Variants in ASCC1 observed in about 807,000 individuals in gnomAD.
The protein encoded by ASCC1 is activating signal cointegrator 1 complex subunit 1, also known as ASC-1 complex subunit P50.
ASCC1 carries 35 observed loss-of-function variants against 46.6 expected under a neutral mutation model. The ratio of observed to expected loss-of-function variants is 0.75; its 90% CI spans 0.57 to 0.99. ASCC1 has a LOEUF of 0.99. Among genes scored for constraint, ASCC1 ranks in the 50% least tolerant of loss-of-function variants. The pLI, the probability that ASCC1 is intolerant of heterozygous loss-of-function variation, is 0.00. For missense variants in ASCC1, 376 were observed against 428.7 expected, an observed-to-expected ratio of 0.88 and a Z score of 1.09; for synonymous variants, 143 against 146.6, an observed-to-expected ratio of 0.98 and a Z score of 0.18.
chr10:72,193,402 T>C (rs1347560061), intron 5 of ASCC1, among the ~76,000 whole-genome samples: 1 of 151,982 alleles, frequency 6.6e-6, no homozygotes. Context: ...TGATTCCATC[T>C]ATATGACATT....
In ASCC1 at chr10:72,211,253, GT is replaced by G. The variant is rs1343151200; in HGVS notation, c.113-423del. On this transcript the variant is annotated intron_variant, in intron 2 of 9. Transcript: ENST00000672957. ...TTGTTATAATTGTTCTATTTTGTTA[GT>G]TATTGTTATTAATCTCTTACTGTGC... 2.0e-5 allele frequency among the ~76,000 whole-genome samples: 3 copies of G among 152,220 alleles called. No homozygotes were observed. The East Asian group carries it at 5.8e-4, about 29-fold the overall frequency.
At chr10:72,152,173 T>G (rs1377227931) in intron 7 of ASCC1, among the ~76,000 whole-genome samples, 12 of 108,360 alleles carry the variant, frequency 1.1e-4, no homozygotes, top group African/African-American at 4.9e-4. Context: ...TGTTTTTGGG[T>G]TTTTTTTTTT....
At chr10:72,214,536 C>T (rs1425838745) in intron 1 of ASCC1, among the ~76,000 whole-genome samples, 1 of 151,824 alleles carries the variant, frequency 6.6e-6, no homozygotes. Flanking sequence ...CCACCACCCC[C>T]GGCTAATTTT....
intron 5 of ASCC1, among the ~76,000 whole-genome samples, chr10:72,174,499 C>A (rs554404443): frequency 7.2e-5 from 11 of 152,080 alleles, no homozygotes; most frequent in Non-Finnish European, 1.2e-4. Flanking sequence ...GAGCTGTCAG[C>A]AAGTAGAAGG....
chr10:72,210,656 G>A, intron 3 of ASCC1, 76 bp downstream of exon 3: 1 of 1,169,622 alleles, frequency 8.5e-7, no homozygotes. Context: ...CAATAAGTAT[G>A]GAAGACCAAA....
chr10:72,184,732 T>A (rs1020289072), intron 5 of ASCC1, among the ~76,000 whole-genome samples: 1 of 151,338 alleles, frequency 6.6e-6, no homozygotes, highest in Non-Finnish European at 1.5e-5. Flanking sequence ...GATACAGAGG[T>A]TGCAGTGAGC....
chr10:72,149,230 A>C (rs1416424678), intron 7 of ASCC1, among the ~76,000 whole-genome samples: 1 of 151,924 alleles, frequency 6.6e-6, no homozygotes, highest in Non-Finnish European at 1.5e-5. Context: ...CAAGGTCAGG[A>C]GATCAAGACC....
At position 72,117,639 on chromosome 10, in the gene ASCC1, A is replaced by T. The variant is rs560877356; in HGVS notation, c.957+10443T>A. Among the ~76,000 whole-genome samples the T allele has an allele frequency of 6.6e-5, 10 of 152,320 alleles. No individual in the cohort carries two copies. In the South Asian group the frequency reaches 1.9e-3, roughly 28 times the overall value. On this transcript the variant is annotated intron_variant, in intron 9 of 9. Coordinates refer to ENST00000672957, the MANE Select transcript of ASCC1 (RefSeq NM_001198800.3). ...CATTCTCTAATTGATCCTTTTAAAT[A>T]ACATTTTTACTTTCCAAATGATTCT...
rs1364192818 is a variant in ASCC1 at position 72,097,118 on chromosome 10, A to G, written c.*216T>C. 6.4e-6 allele frequency: 4 copies of G among 625,860 alleles called. No homozygotes were observed. The highest frequency in any genetic ancestry group is 9.0e-6 in the Non-Finnish European group (3 of 334,366). 38.8% of individuals were successfully genotyped at this position (625,860 alleles called of 1,614,324 possible). A position where few individuals can be genotyped will look rare whatever the true frequency, so the allele number is the denominator to read the frequency against. The stretch of plus-strand genomic sequence containing the variant: ...AAAGAAAAAAAACCAGAACACACTA[A>G]GGGTTATAGGCACAAATTCTCCTTA... On this transcript the variant is annotated 3_prime_UTR_variant, in exon 10 of 10. Transcript: ENST00000672957.
intron 5 of ASCC1, among the ~76,000 whole-genome samples, chr10:72,180,292 G>GA (rs563899230): frequency 3.8e-4 from 53 of 140,884 alleles, no homozygotes; most frequent in Middle Eastern, 3.7e-3. Context: ...AAGAAAAAAA[G>GA]AAAAAAAAAA....
chr10:72,204,379 C>T, intron 3 of ASCC1: 3 of 1,549,796 alleles, frequency 1.9e-6, no homozygotes. Flanking sequence ...CAATCCCCAT[C>T]ACTCCCACTT....
At chr10:72,109,358 C>T (rs1437793186) in intron 9 of ASCC1, among the ~76,000 whole-genome samples, 1 of 152,172 alleles carries the variant, frequency 6.6e-6, no homozygotes, top group Non-Finnish European at 1.5e-5. Context: ...CCCCAGAGCC[C>T]AAGTCCCCTC....
At chr10:72,149,439 A>C (rs889542873) in intron 7 of ASCC1, among the ~76,000 whole-genome samples, 31 of 45,274 alleles carry the variant, frequency 6.8e-4, no homozygotes, top group Middle Eastern at 0.019. Context: ...CTCCGTCACA[A>C]AAAAAAAAAA....
chr10:72,194,379 C>G (rs1855037522), intron 5 of ASCC1, among the ~76,000 whole-genome samples: 1 of 150,046 alleles, frequency 6.7e-6, no homozygotes, highest in African/African-American at 2.4e-5. Flanking sequence ...AACCAAAAAC[C>G]TTAAAAGAAT....
chr10:72,210,444 G>T (rs1857915255), intron 3 of ASCC1, among the ~76,000 whole-genome samples: 1 of 152,130 alleles, frequency 6.6e-6, no homozygotes, highest in Non-Finnish European at 1.5e-5. Context: ...ACAGGCGTGA[G>T]CCACCGCACC....
intron 5 of ASCC1, among the ~76,000 whole-genome samples, chr10:72,161,966 G>A (rs1355494484): frequency 6.6e-6 from 1 of 151,814 alleles, no homozygotes; most frequent in Non-Finnish European, 1.5e-5. Context: ...CCAAAAACAT[G>A]GACGACAAAA....
At position 72,203,460 on chromosome 10, in the gene ASCC1, T is replaced by G. The variant is rs754793576; in HGVS notation, c.277A>C (p.Ser93Arg). Reference protein sequence around the residue: ...KIEMETKTSISIPKPGQDGEI... With the variant: ...KIEMETKTSIRIPKPGQDGEI... The stretch of plus-strand genomic sequence containing the variant: ...CCGTCTTGTCCAGGTTTAGGAATGC[T>G]AATAGAAGTTTTGGTCTCCATTTCT... The change falls in exon 4 of 10, where the codon AGC (serine) becomes CGC (arginine). Residue 93 changes from serine to arginine, a missense_variant. Transcript: ENST00000672957. 6.2e-7 allele frequency: 1 copy of G among 1,613,526 alleles called. No individual in the cohort carries two copies. Among genetic ancestry groups the G allele is most frequent in the African/African-American group, 1.3e-5 (1 of 74,934 alleles).
intron 4 of ASCC1, chr10:72,198,588 T>C (rs1434011712): frequency 4.4e-6 from 2 of 455,540 alleles, no homozygotes; most frequent in Non-Finnish European, 4.4e-6. Flanking sequence ...TTCCATTGCC[T>C]GAGATTTCAA....
intron 5 of ASCC1, among the ~76,000 whole-genome samples, chr10:72,166,169 C>T (rs1850312441): frequency 6.6e-6 from 1 of 152,124 alleles, no homozygotes; most frequent in South Asian, 2.1e-4. Context: ...CCAAAGTGGG[C>T]TAGGACCATA....
Sources: allele counts gnomAD v4.1 joint callset (sites outside exome capture counted in the v4.1 genomes callset), GRCh38; gene constraint gnomAD v4.1.1; transcripts MANE v1.5; gene names NCBI Gene and HGNC (gene_info 2026-07-23, HGNC 2026-07-21).